Variants in TIAM1 observed in about 807,000 individuals in gnomAD.
The protein encoded by TIAM1 is rho guanine nucleotide exchange factor TIAM1.
Under a neutral mutation model 163.5 loss-of-function variants are expected in TIAM1, and 65 were observed. That is an observed-to-expected ratio of 0.40 (90% CI 0.33 to 0.49). The LOEUF (loss-of-function observed/expected upper bound fraction) is 0.49, where lower values mean the gene tolerates loss of function less well. Among genes scored for constraint, TIAM1 ranks in the 20% least tolerant of loss-of-function variants. The probability of loss-of-function intolerance (pLI) is 0.77; values close to 1 mark genes in which losing one functional copy is unlikely to be tolerated. For missense variants in TIAM1, 1,789 were observed against 2,044.7 expected (o/e 0.87, Z 2.41); for synonymous variants, 833 against 810.1 (o/e 1.03, Z -0.48).
intron 2 of TIAM1, among the ~76,000 whole-genome samples, chr21:31,289,914 G>C (rs2251574): frequency 0.22 from 33,311 of 152,008 alleles, 4,532 homozygotes; most frequent in East Asian, 0.42. Flanking sequence ...ACACACAAGG[G>C]AAGTGAAACA....
chr21:31,450,858 C>A (rs542530290), intron 2 of TIAM1, among the ~76,000 whole-genome samples: 2 of 152,236 alleles, frequency 1.3e-5, no homozygotes, highest in South Asian at 4.2e-4. Context: ...GAAGCCACCT[C>A]CATGATTCAA....
At chr21:31,178,399 G>A (rs966803996) in intron 15 of TIAM1, among the ~76,000 whole-genome samples, 1 of 128,250 alleles carries the variant, frequency 7.8e-6, no homozygotes, top group Non-Finnish European at 1.6e-5. Flanking sequence ...CTCTGCCCCC[G>A]GGGTTCACGC....
At chr21:31,432,315 G>A (rs905816997) in intron 2 of TIAM1, among the ~76,000 whole-genome samples, 5 of 151,996 alleles carry the variant, frequency 3.3e-5, no homozygotes, top group African/African-American at 4.8e-5. Context: ...TGGCCAGCAT[G>A]GTCTCGATCT....
At chr21:31,256,706 G>C (rs2072130979) in intron 4 of TIAM1, among the ~76,000 whole-genome samples, 1 of 151,144 alleles carries the variant, frequency 6.6e-6, no homozygotes, top group African/African-American at 2.4e-5. Context: ...AGTACAGCAA[G>C]TATCAATTCT....
At chr21:31,316,160 T>C (rs1030585097) in intron 2 of TIAM1, among the ~76,000 whole-genome samples, 13 of 152,072 alleles carry the variant, frequency 8.5e-5, no homozygotes, top group African/African-American at 2.9e-4. Context: ...AAATGAGAGG[T>C]ACCCTGATGT....
intron 2 of TIAM1, among the ~76,000 whole-genome samples, chr21:31,303,206 CAT>C (rs2074567553): frequency 6.6e-6 from 1 of 152,136 alleles, no homozygotes; most frequent in Non-Finnish European, 1.5e-5. Context: ...TAAATTTTCC[CAT>C]AGGACACCTA....
chr21:31,278,872 C>T (rs1016629886), intron 2 of TIAM1, among the ~76,000 whole-genome samples: 2 of 152,148 alleles, frequency 1.3e-5, no homozygotes, highest in Admixed American at 6.6e-5. Context: ...AAAGCAGTTC[C>T]TGAATTGCTT....
At chr21:31,400,398 G>C (rs1190258557) in intron 2 of TIAM1, among the ~76,000 whole-genome samples, 3 of 152,136 alleles carry the variant, frequency 2.0e-5, no homozygotes, top group Non-Finnish European at 4.4e-5. Flanking sequence ...TCAAAGTGCT[G>C]GGATTGCAGG....
intron 2 of TIAM1, among the ~76,000 whole-genome samples, chr21:31,410,319 TGA>T (rs1489405609): frequency 2.0e-5 from 3 of 151,562 alleles, no homozygotes; most frequent in Non-Finnish European, 4.4e-5. Context: ...AGTGTGTGTG[TGA>T]GTATATGTAG....
At chr21:31,318,764 G>A (rs1365120892) in intron 2 of TIAM1, among the ~76,000 whole-genome samples, 4 of 152,156 alleles carry the variant, frequency 2.6e-5, no homozygotes, top group Non-Finnish European at 5.9e-5. Flanking sequence ...TCTTGATAAT[G>A]TTACTAGAAA....
chr21:31,178,068 A>G (rs2084848638), intron 15 of TIAM1, among the ~76,000 whole-genome samples: 1 of 152,170 alleles, frequency 6.6e-6, no homozygotes, highest in African/African-American at 2.4e-5. Context: ...GTTGTTTTCT[A>G]TTTTAACTGC....
intron 2 of TIAM1, among the ~76,000 whole-genome samples, chr21:31,307,507 T>C (rs1428942935): frequency 6.6e-6 from 1 of 152,182 alleles, no homozygotes; most frequent in African/African-American, 2.4e-5. Context: ...TGTCACAGAC[T>C]GAACAAACAC....
chr21:31,341,248 G>A (rs542415687), intron 1 of TIAM1, among the ~76,000 whole-genome samples: 47 of 152,278 alleles, frequency 3.1e-4, no homozygotes, highest in African/African-American at 1.1e-3. Context: ...TTCACAATCA[G>A]TTTCCAGATC....
intron 19 of TIAM1, among the ~76,000 whole-genome samples, chr21:31,149,829 T>C (rs2083295902): frequency 6.6e-6 from 1 of 152,190 alleles, no homozygotes; most frequent in Non-Finnish European, 1.5e-5. Context: ...ATCACTACAA[T>C]GAACCTAACT....
At chr21:31,181,214 A>C (rs970849488) in intron 15 of TIAM1, among the ~76,000 whole-genome samples, 3 of 152,216 alleles carry the variant, frequency 2.0e-5, no homozygotes, top group African/African-American at 7.2e-5. Context: ...CTTGCTGAAC[A>C]AGAAAGGGCC....
rs58133705 is a variant in TIAM1, at chr21:31,226,983, G to T, written c.1585-1033C>A. ...TTTTTTTTTTTTTTTTTGAGACAGGGTCGTGCTCTGTTGCCCAGGCTGGAG... is the reference window on the plus strand; with the variant it reads ...TTTTTTTTTTTTTTTTTGAGACAGGTTCGTGCTCTGTTGCCCAGGCTGGAG... On this transcript the variant is annotated intron_variant, in intron 6 of 27. Coordinates refer to ENST00000541036, the MANE Select transcript of TIAM1 (RefSeq NM_001353694.2). 9.5e-3 allele frequency among the ~76,000 whole-genome samples: 1,329 copies of T among 140,220 alleles called. 29 individuals are homozygous for T. Among genetic ancestry groups the T allele is most frequent in the African/African-American group, 0.035 (1,259 of 35,586 alleles). The allele number at this position is 140,220 out of a possible 152,430, so 92.0% of individuals were successfully genotyped here. A position where few individuals can be genotyped will look rare whatever the true frequency, so the allele number is the denominator to read the frequency against.
intron 2 of TIAM1, among the ~76,000 whole-genome samples, chr21:31,387,195 CTTTTTTTTTT>C (rs60592178): frequency 2.7e-4 from 20 of 75,162 alleles, no homozygotes; most frequent in Admixed American, 4.1e-4. Flanking sequence ...AGCTTATTCT[CTTTTTTTTTT>C]TTTTTTTTTT....
At chr21:31,165,150 CT>C in intron 15 of TIAM1, 85 bp from the exon 16 acceptor site, 1 of 1,223,768 alleles carries the variant, frequency 8.2e-7, no homozygotes, top group Non-Finnish European at 1.2e-6. Flanking sequence ...GACAAGGAAT[CT>C]CGCTCATGAC....
At chr21:31,349,123 C>T (rs2076194896), upstream of TIAM1, among the ~76,000 whole-genome samples, 1 of 152,192 alleles carries the variant, frequency 6.6e-6, no homozygotes, top group Admixed American at 6.5e-5. Flanking sequence ...GCCTTCTGAG[C>T]TCTATCTTCC....
Sources: gnomAD v4.1 joint callset for allele counts (sites outside exome capture counted in the v4.1 genomes callset) on GRCh38, gnomAD v4.1.1 for gene constraint, MANE v1.5 for transcripts, NCBI Gene and HGNC (gene_info 2026-07-23, HGNC 2026-07-21) for gene names.